The following MEGF10 variants were observed in gnomAD, a reference collection of about 807,000 sequenced individuals.
The protein encoded by MEGF10 is multiple epidermal growth factor-like domains protein 10.
MEGF10 carries 86 observed loss-of-function variants against 147.5 expected under a neutral mutation model. The observed-to-expected ratio is 0.58, with a 90% CI of 0.49 to 0.70. The LOEUF (loss-of-function observed/expected upper bound fraction) is 0.70. Among genes scored for constraint, MEGF10 ranks in the 30% least tolerant of loss-of-function variants. The pLI is 0.00. For missense variants in MEGF10, 1,329 were observed against 1,487.3 expected (o/e 0.89, Z 1.75); for synonymous variants, 478 against 525.5 (o/e 0.91, Z 1.24).
chr5:127,376,024 G>C (rs1365852383), intron 5 of MEGF10, among the ~76,000 whole-genome samples: 1 of 152,170 alleles, frequency 6.6e-6, no homozygotes. Context: ...AACTGCCTCT[G>C]TAGAAGAAGT....
Position 127,422,523 on chromosome 5 carries a change from GA to G in MEGF10, c.1591-140del, listed in dbSNP as rs1354922364. 1.5e-5 allele frequency: 9 copies of G among 615,034 alleles called. No individual in the cohort carries two copies. In the East Asian group the frequency reaches 2.3e-4, roughly 16 times the overall value. 38.1% of individuals were successfully genotyped at this position (615,034 alleles called of 1,614,324 possible). A position where few individuals can be genotyped will look rare whatever the true frequency, so the allele number is the denominator to read the frequency against. On this transcript the variant is annotated intron_variant, in intron 12 of 24. Coordinates refer to ENST00000503335, the MANE Select transcript of MEGF10 (RefSeq NM_001256545.2). ...AGCGAGACTCCATCTCAAAAAAAAA[GA>G]AAAAAATAAATAAAGATACATCCCT...
chr5:127,431,842 C>T (rs1391150937), intron 13 of MEGF10, among the ~76,000 whole-genome samples: 1 of 152,104 alleles, frequency 6.6e-6, no homozygotes, highest in Non-Finnish European at 1.5e-5. Flanking sequence ...ATGTTTGATG[C>T]TTCTGCCCAG....
At chr5:127,285,097 T>C in the MEGF10 span, among the ~76,000 whole-genome samples, 1 of 152,320 alleles carries the variant, frequency 6.6e-6, no homozygotes, top group East Asian at 1.9e-4. Flanking sequence ...TACTACAGGA[T>C]GTGAATAAAT....
chr5:127,388,885 A>G (rs753541018), intron 5 of MEGF10, among the ~76,000 whole-genome samples: 11 of 152,136 alleles, frequency 7.2e-5, no homozygotes, highest in Non-Finnish European at 1.3e-4. Flanking sequence ...TGTTCTCACT[A>G]CTGAGGTAAT....
chr5:127,274,315 T>G, the MEGF10 span, among the ~76,000 whole-genome samples: 1 of 152,182 alleles, frequency 6.6e-6, no homozygotes, highest in Admixed American at 6.5e-5. Context: ...AAAATTTTTG[T>G]TTCAATGAAG....
chr5:127,445,407 G>T (rs369587206), intron 19 of MEGF10, 50 bp from the exon 20 acceptor site: 2 of 1,434,254 alleles, frequency 1.4e-6, no homozygotes, highest in African/African-American at 1.4e-5. Context: ...GAGATCAAAC[G>T]TTTATCCAGC....
chr5:127,341,785 A>G (rs1190281686), intron 4 of MEGF10, among the ~76,000 whole-genome samples: 6 of 152,208 alleles, frequency 3.9e-5, no homozygotes, highest in African/African-American at 1.2e-4. Context: ...AACATATTGC[A>G]AATGTCAGTA....
the MEGF10 span, among the ~76,000 whole-genome samples, chr5:127,253,753 A>C: frequency 6.6e-6 from 1 of 152,030 alleles, no homozygotes; most frequent in African/African-American, 2.4e-5. Context: ...GAAAATTCAC[A>C]GGACTTATAA....
At chr5:127,306,255 A>G (rs1438732240) in intron 1 of MEGF10, among the ~76,000 whole-genome samples, 1 of 152,178 alleles carries the variant, frequency 6.6e-6, no homozygotes, top group Non-Finnish European at 1.5e-5. Context: ...TTAGTGGCTG[A>G]CTGTGCCCTC....
chr5:127,392,673 C>T (rs1295896738), intron 5 of MEGF10, among the ~76,000 whole-genome samples: 1 of 152,188 alleles, frequency 6.6e-6, no homozygotes, highest in African/African-American at 2.4e-5. Context: ...CTTCAGTACC[C>T]AGCCCGTGAA....
chr5:127,306,297 C>A (rs1760009294), intron 1 of MEGF10, among the ~76,000 whole-genome samples: 1 of 152,064 alleles, frequency 6.6e-6, no homozygotes, highest in African/African-American at 2.4e-5. Context: ...TATGTCACTG[C>A]TGAGAAGGAT....
intron 22 of MEGF10, among the ~76,000 whole-genome samples, chr5:127,449,554 C>T (rs1336680999): frequency 2.0e-5 from 3 of 152,202 alleles, no homozygotes; most frequent in Admixed American, 2.0e-4. Flanking sequence ...TCACCATCTG[C>T]ATGTTACAGT....
At chr5:127,434,146 A>C (rs1029770832) in intron 14 of MEGF10, among the ~76,000 whole-genome samples, 3 of 152,186 alleles carry the variant, frequency 2.0e-5, no homozygotes, top group African/African-American at 7.2e-5. Context: ...ATATATTTAA[A>C]TCTGAATAGT....
the MEGF10 span, among the ~76,000 whole-genome samples, chr5:127,234,553 A>C: frequency 7.8e-3 from 1,186 of 152,328 alleles, 4 homozygotes; most frequent in Non-Finnish European, 0.013. Context: ...CTATCAATGC[A>C]TCTCTCCTCT....
intron 1 of MEGF10, among the ~76,000 whole-genome samples, chr5:127,301,426 C>T (rs1048455336): frequency 1.1e-4 from 17 of 152,014 alleles, no homozygotes; most frequent in South Asian, 2.1e-4. Flanking sequence ...TGGGGCCCTT[C>T]GCTTTGAAAT....
intron 8 of MEGF10, among the ~76,000 whole-genome samples, chr5:127,405,381 T>C (rs1764284415): frequency 6.6e-6 from 1 of 152,184 alleles, no homozygotes; most frequent in African/African-American, 2.4e-5. Flanking sequence ...CTGAGTATTT[T>C]GTAATTTTTT....
intron 13 of MEGF10, among the ~76,000 whole-genome samples, chr5:127,424,017 G>C (rs142232503): frequency 2.0e-5 from 3 of 152,142 alleles, no homozygotes; most frequent in Non-Finnish European, 4.4e-5. Context: ...TCTGTATTTA[G>C]ATATTTGATC....
intron 1 of MEGF10, among the ~76,000 whole-genome samples, chr5:127,303,913 T>C (rs566275902): frequency 1.3e-5 from 2 of 152,372 alleles, no homozygotes; most frequent in East Asian, 1.9e-4. Context: ...TGAAGTTTAA[T>C]TGAGAAAATA....
chr5:127,320,202 G>A (rs1255179472), intron 1 of MEGF10, among the ~76,000 whole-genome samples: 2 of 152,150 alleles, frequency 1.3e-5, no homozygotes, highest in African/African-American at 4.8e-5. Context: ...AGTAACCTGT[G>A]AGTGATCAGT....
Sources: gnomAD v4.1 joint callset for allele counts (sites outside exome capture counted in the v4.1 genomes callset) on GRCh38, gnomAD v4.1.1 for gene constraint, MANE v1.5 for transcripts, NCBI Gene and HGNC (gene_info 2026-07-23, HGNC 2026-07-21) for gene names.